Variants in TFDP1 observed in about 807,000 individuals in gnomAD.
TFDP1 encodes the protein transcription factor Dp-1, also known as DRTF1-polypeptide 1.
Under a neutral mutation model 48.0 loss-of-function variants are expected in TFDP1, and 6 were observed. The ratio of observed to expected loss-of-function variants is 0.13; its 90% confidence interval spans 0.07 to 0.25. TFDP1 has a LOEUF of 0.25. TFDP1 is among the 10% of genes least tolerant of loss of function. The probability of loss-of-function intolerance (pLI) is 1.00; values close to 1 mark genes in which losing one functional copy is unlikely to be tolerated. For missense variants in TFDP1, 335 were observed against 543.0 expected (o/e 0.62, Z 3.81); for synonymous variants, 201 against 211.6 (o/e 0.95, Z 0.44).
chr13:113,592,434 G>A (rs1594404046), intron 2 of TFDP1, among the ~76,000 whole-genome samples: 1 of 152,386 alleles, frequency 6.6e-6, no homozygotes, highest in Middle Eastern at 3.4e-3. Flanking sequence ...TGGGATTCCA[G>A]GCGTGAGCCA....
At chr13:113,594,371 G>A (rs1458894361) in intron 2 of TFDP1, among the ~76,000 whole-genome samples, 1 of 151,226 alleles carries the variant, frequency 6.6e-6, no homozygotes, top group Non-Finnish European at 1.5e-5. Flanking sequence ...ACAGGTGTCA[G>A]GCGTGATGCG....
intron 2 of TFDP1, among the ~76,000 whole-genome samples, chr13:113,609,668 T>C (rs893398324): frequency 3.3e-5 from 5 of 151,704 alleles, no homozygotes; most frequent in Admixed American, 2.0e-4. Flanking sequence ...CTTGTTCCCA[T>C]GGTGTGTCCC....
chr13:113,602,617 T>C (rs1476559125), intron 2 of TFDP1, among the ~76,000 whole-genome samples: 1 of 152,260 alleles, frequency 6.6e-6, no homozygotes, highest in African/African-American at 2.4e-5. Context: ...TTCTCAGCTC[T>C]GCTTACTTTT....
chr13:113,633,074 C>G lies in TFDP1; in HGVS notation c.309-46C>G, dbSNP rs1218098207. The G allele has an allele frequency of 6.2e-7, 1 of 1,611,106 alleles. No individual in the cohort carries two copies. Among genetic ancestry groups the G allele is most frequent in the Admixed American group, 1.7e-5 (1 of 59,474 alleles). On this transcript the variant is annotated intron_variant, in intron 5 of 11. Coordinates refer to ENST00000375370, the MANE Select transcript of TFDP1 (RefSeq NM_007111.5). This position sits in a 1 kb window ranked among gnomAD's most constrained non-coding sequence, Gnocchi z 4.5. ...AAGCATTCCTCGATTCAGGCTGATC[C>G]TCAGGAGGGCTGACAGTCGCTTCTC...
chr13:113,619,673 CGGGGCCGGACAG>C (rs2048951047), intron 3 of TFDP1, among the ~76,000 whole-genome samples: 1 of 152,018 alleles, frequency 6.6e-6, no homozygotes, highest in Non-Finnish European at 1.5e-5. Flanking sequence ...AAGTGCTGCT[CGGGGCCGGACAG>C]GGGGTATTCA....
intron 3 of TFDP1, among the ~76,000 whole-genome samples, chr13:113,621,281 G>A (rs538814929): frequency 1.2e-4 from 18 of 152,294 alleles, no homozygotes; most frequent in Admixed American, 5.9e-4. Context: ...GTTGTGACCC[G>A]AAAGTCTGTG....
chr13:113,599,980 C>A (rs1258374433), intron 2 of TFDP1, among the ~76,000 whole-genome samples: 1 of 149,792 alleles, frequency 6.7e-6, no homozygotes, highest in African/African-American at 2.5e-5. Context: ...GGCTCCAGGA[C>A]CATGAGAGAG....
At chr13:113,631,002 C>T (rs544606619) in intron 4 of TFDP1, among the ~76,000 whole-genome samples, 4 of 152,218 alleles carry the variant, frequency 2.6e-5, no homozygotes, top group South Asian at 2.1e-4. Flanking sequence ...CCTTGCCTGA[C>T]GCCGTTGTGG....
intron 2 of TFDP1, among the ~76,000 whole-genome samples, chr13:113,601,280 G>T (rs146913413): frequency 1.4e-5 from 2 of 144,694 alleles, no homozygotes; most frequent in African/African-American, 5.4e-5. Flanking sequence ...TGTCCCGGGC[G>T]GCCCTGGCCT....
At position 113,636,642 on chromosome 13, in the gene TFDP1, C is replaced by T. The variant is rs140379028; in HGVS notation, c.948C>T (p.Ala316=). 33 of 1,612,736 alleles carry T rather than the reference C, an allele frequency of 2.0e-5. No individual in the cohort carries two copies. Among genetic ancestry groups the T allele is most frequent in the East Asian group, 8.9e-5 (4 of 44,886 alleles). ...GGCTGGAGTCGGGGAGCTGCTCTGC[C>T]GAAGACCTTAAAATGGCCAGAAGTC... is the stretch of plus-strand genomic sequence containing the variant. ...ACGLESGSCS[A]EDLKMARSLV... The change falls in exon 10 of 12, where the codon GCC becomes GCT. Residue 316 remains alanine, a synonymous_variant. Transcript: ENST00000375370.
chr13:113,636,486 G>A (rs374195461), intron 9 of TFDP1, 48 bp from the exon 10 acceptor site: 42 of 1,598,956 alleles, frequency 2.6e-5, no homozygotes, highest in East Asian at 2.0e-4. Flanking sequence ...AGTGTGTACC[G>A]TCTCCGCTGG....
intron 4 of TFDP1, among the ~76,000 whole-genome samples, chr13:113,626,008 GTC>G (rs1440322509): frequency 1.4e-5 from 2 of 146,682 alleles, no homozygotes; most frequent in East Asian, 2.0e-4. Context: ...GTCCTCAGGT[GTC>G]TCTCACGTGT....
intron 2 of TFDP1, among the ~76,000 whole-genome samples, chr13:113,605,221 G>T (rs1463831235): frequency 6.6e-6 from 1 of 152,162 alleles, no homozygotes; most frequent in Non-Finnish European, 1.5e-5. Flanking sequence ...CAGAGAGTGA[G>T]TGTGGCTTTG....
At chr13:113,636,428 G>T (rs551251984) in intron 9 of TFDP1, 106 bp from the exon 10 acceptor site, 2 of 1,289,802 alleles carry the variant, frequency 1.6e-6, no homozygotes, top group East Asian at 4.6e-5. Flanking sequence ...CTGGGAACCG[G>T]GAAGCTGTGT....
In TFDP1 at chr13:113,641,341, A is replaced by G. The variant is rs1318124134; in HGVS notation, c.*1074A>G. On this transcript the variant is annotated 3_prime_UTR_variant, in exon 12 of 12. Coordinates refer to ENST00000375370, the MANE Select transcript of TFDP1 (RefSeq NM_007111.5). ...TATTAGCTGCCTGTTCTAAAACGAT[A>G]GTCTTTTTATTGAAACACAAATAAA... 1 of 152,270 alleles carries G rather than the reference A, an allele frequency of 6.6e-6. No individual in the cohort carries two copies. The highest frequency in any genetic ancestry group is 1.9e-4 in the East Asian group (1 of 5,202). The allele number at this position is 152,270 out of a possible 1,614,324, so 9.4% of individuals were successfully genotyped here.
At chr13:113,596,327 A>C (rs2048288682) in intron 2 of TFDP1, among the ~76,000 whole-genome samples, 1 of 151,844 alleles carries the variant, frequency 6.6e-6, no homozygotes, top group Non-Finnish European at 1.5e-5. Flanking sequence ...CCAGTTATTG[A>C]CTCTTGGAGG....
rs1208758846 is a variant in TFDP1, at chr13:113,633,622, C to A, written c.475-268C>A. 6.6e-6 allele frequency among the ~76,000 whole-genome samples: 1 copy of A among 152,220 alleles called. No individual in the cohort carries two copies. The highest frequency in any genetic ancestry group is 1.5e-5 in the Non-Finnish European group (1 of 68,042). On this transcript the variant is annotated intron_variant, in intron 6 of 11. Coordinates refer to ENST00000375370, the MANE Select transcript of TFDP1 (RefSeq NM_007111.5). The surrounding 1 kb of genome is among the most constrained non-coding windows in gnomAD (Gnocchi z 4.5). ...GAGCACGTGGGCTGGCTCTGCACGT[C>A]TAGCGGCCCAGAAATGCACAAATGC... is the stretch of plus-strand genomic sequence containing the variant.
chr13:113,588,679 G>A (rs1215780594), intron 2 of TFDP1, among the ~76,000 whole-genome samples: 2 of 152,088 alleles, frequency 1.3e-5, no homozygotes, highest in Non-Finnish European at 2.9e-5. Flanking sequence ...AGAGTGATCA[G>A]TGATGGTGTA....
At chr13:113,614,142 G>A (rs1035382529) in intron 3 of TFDP1, among the ~76,000 whole-genome samples, 4 of 151,214 alleles carry the variant, frequency 2.6e-5, no homozygotes, top group African/African-American at 9.7e-5. Context: ...GGAGTGTTAT[G>A]TGCGTGTGCA....
Sources: allele counts gnomAD v4.1 joint callset (sites outside exome capture counted in the v4.1 genomes callset), GRCh38; gene constraint gnomAD v4.1.1; non-coding constraint Gnocchi (gnomAD v3.1); transcripts MANE v1.5; gene names NCBI Gene and HGNC (gene_info 2026-07-23, HGNC 2026-07-21).